The following PALM2AKAP2 variants were observed in gnomAD, a reference collection of about 807,000 sequenced individuals.
PALM2AKAP2 encodes PALM2 and AKAP2 fusion.
PALM2AKAP2 carries 37 observed loss-of-function variants against 71.5 expected under a neutral mutation model. The observed-to-expected ratio is 0.52, with a 90% CI of 0.40 to 0.68. The LOEUF (loss-of-function observed/expected upper bound fraction) is 0.68. Ranked by LOEUF, PALM2AKAP2 falls within the 30% of genes least tolerant of loss-of-function variation. The pLI, the probability that PALM2AKAP2 is intolerant of heterozygous loss-of-function variation, is 0.00. For synonymous variants in PALM2AKAP2, 468 were observed against 478.8 expected (o/e 0.98, Z 0.29); for missense variants, 1,224 against 1,191.8 (o/e 1.03, Z -0.40).
At chr9:109,726,856 C>G (rs1470714430) in intron 1 of PALM2AKAP2, among the ~76,000 whole-genome samples, 6 of 152,190 alleles carry the variant, frequency 3.9e-5, no homozygotes, top group Non-Finnish European at 8.8e-5. Flanking sequence ...CTCAGCAACT[C>G]TAGCCATATT....
At chr9:110,074,849 A>C (rs1237221495) in intron 1 of PALM2AKAP2, among the ~76,000 whole-genome samples, 1 of 151,928 alleles carries the variant, frequency 6.6e-6, no homozygotes, top group Non-Finnish European at 1.5e-5. Flanking sequence ...CTAGAAATAC[A>C]AAAACTAGCT....
chr9:109,695,087 A>G (rs1189759595), intron 1 of PALM2AKAP2, among the ~76,000 whole-genome samples: 1 of 152,198 alleles, frequency 6.6e-6, no homozygotes, highest in African/African-American at 2.4e-5. Flanking sequence ...TTTCAAGACA[A>G]AAATAACTGA....
intron 6 of PALM2AKAP2, chr9:109,943,236 G>T: frequency 6.2e-7 from 1 of 1,614,212 alleles, no homozygotes; most frequent in Non-Finnish European, 8.5e-7. Context: ...ATGATGAGAA[G>T]TCATTGAGGG....
chr9:109,810,519 T>C (rs1827701970), intron 1 of PALM2AKAP2, among the ~76,000 whole-genome samples: 1 of 152,182 alleles, frequency 6.6e-6, no homozygotes, highest in Non-Finnish European at 1.5e-5. Context: ...AGGAGGTTAC[T>C]GGTGCCCTGA....
chr9:109,742,652 T>C (rs571441930), intron 1 of PALM2AKAP2, among the ~76,000 whole-genome samples: 46 of 152,362 alleles, frequency 3.0e-4, no homozygotes, highest in African/African-American at 1.1e-3. Flanking sequence ...ATTGATAATG[T>C]ACATGCAGGA....
chr9:110,160,292 A>G (rs1436054737), intron 3 of PALM2AKAP2, among the ~76,000 whole-genome samples: 25 of 152,206 alleles, frequency 1.6e-4, no homozygotes, highest in Non-Finnish European at 1.5e-5. Context: ...AGATGCAGCA[A>G]TCCTATTCAT....
intron 3 of PALM2AKAP2, among the ~76,000 whole-genome samples, chr9:109,888,081 C>G (rs1564196241): frequency 6.6e-6 from 1 of 152,172 alleles, no homozygotes; most frequent in Non-Finnish European, 1.5e-5. Context: ...GGGCTTGGCT[C>G]CTTTCTGTCT....
intron 1 of PALM2AKAP2, among the ~76,000 whole-genome samples, chr9:110,070,231 A>G (rs1052738590): frequency 6.6e-6 from 1 of 152,234 alleles, no homozygotes; most frequent in Non-Finnish European, 1.5e-5. Context: ...AAAGAAATGC[A>G]GTCTCAGAGA....
intron 1 of PALM2AKAP2, among the ~76,000 whole-genome samples, chr9:109,675,643 G>T (rs1380708240): frequency 6.6e-6 from 1 of 152,136 alleles, no homozygotes; most frequent in Non-Finnish European, 1.5e-5. Context: ...CTGTAACATT[G>T]CAGTCAACTA....
chr9:110,045,333 T>C (rs537664620), upstream of PALM2AKAP2, among the ~76,000 whole-genome samples: 1 of 152,350 alleles, frequency 6.6e-6, no homozygotes, highest in African/African-American at 2.4e-5. Flanking sequence ...AGAGTAAATA[T>C]GCTTCTTTTA....
rs147606507 is a variant in PALM2AKAP2 at position 109,768,318 on chromosome 9, TA to T, written c.6-12161del. Among the ~76,000 whole-genome samples, 290 of 151,312 alleles carry T rather than the reference TA, an allele frequency of 1.9e-3. 1 individual carries two copies. The highest frequency in any genetic ancestry group is 6.3e-3 in the African/African-American group (260 of 41,272). ...TCCTTAGGATGACAGTCCAAGTACT[TA>T]AAAAAAAAGTATCCCTTTTGCCTCT... On this transcript the variant is annotated intron_variant, in intron 1 of 6. Transcript: ENST00000374531.
intron 1 of PALM2AKAP2, among the ~76,000 whole-genome samples, chr9:109,855,707 C>T (rs1488185234): frequency 6.6e-6 from 1 of 152,078 alleles, no homozygotes; most frequent in African/African-American, 2.4e-5. Flanking sequence ...ACTTTTAAAC[C>T]ATTGGAGGAC....
At chr9:109,891,924 A>G (rs1830099742) in intron 3 of PALM2AKAP2, among the ~76,000 whole-genome samples, 1 of 152,204 alleles carries the variant, frequency 6.6e-6, no homozygotes. Context: ...GGTGAAGACA[A>G]TGTGGTTTGA....
chr9:109,951,319 A>G (rs1218529468), intron 6 of PALM2AKAP2, among the ~76,000 whole-genome samples: 1 of 152,226 alleles, frequency 6.6e-6, no homozygotes, highest in African/African-American at 2.4e-5. Flanking sequence ...TGTAACCTGA[A>G]GTGTACTTTG....
intron 1 of PALM2AKAP2, among the ~76,000 whole-genome samples, chr9:109,745,447 T>C (rs749942523): frequency 1.3e-4 from 20 of 152,118 alleles, no homozygotes; most frequent in Non-Finnish European, 2.5e-4. Context: ...GCCTCACTTC[T>C]TTTCTTCTCT....
chr9:109,996,481 T>A (rs1323702051), intron 6 of PALM2AKAP2, among the ~76,000 whole-genome samples: 1 of 152,236 alleles, frequency 6.6e-6, no homozygotes, highest in Non-Finnish European at 1.5e-5. Context: ...AACAAACCAT[T>A]TCCAAAATTA....
At chr9:109,738,467 C>T (rs1853225) in intron 1 of PALM2AKAP2, among the ~76,000 whole-genome samples, 69,545 of 151,956 alleles carry the variant, frequency 0.46, 16,192 homozygotes, top group East Asian at 0.5. Flanking sequence ...TTACTAGAAC[C>T]AATAAGTGAA....
chr9:110,140,189 G>A (rs1835991448), intron 2 of PALM2AKAP2, among the ~76,000 whole-genome samples: 1 of 152,160 alleles, frequency 6.6e-6, no homozygotes, highest in Non-Finnish European at 1.5e-5. Flanking sequence ...ATGGATTCCT[G>A]TGATATTCAA....
At chr9:109,919,272 C>T (rs568018150) in intron 3 of PALM2AKAP2, among the ~76,000 whole-genome samples, 2 of 152,160 alleles carry the variant, frequency 1.3e-5, no homozygotes, top group Admixed American at 6.5e-5. Context: ...AAGCTGAGGC[C>T]CTGGCCCCTC....
Sources: allele counts gnomAD v4.1 joint callset (sites outside exome capture counted in the v4.1 genomes callset), GRCh38; gene constraint gnomAD v4.1.1; transcripts MANE v1.5; gene names NCBI Gene and HGNC (gene_info 2026-07-23, HGNC 2026-07-21).